LRRTM4: variants seen among roughly 807,000 people sequenced by gnomAD.
LRRTM4 encodes leucine rich repeat transmembrane neuronal 4.
A neutral mutation model predicts 47.6 loss-of-function variants in LRRTM4; 25 were observed. That is an observed-to-expected ratio of 0.53 (90% confidence interval 0.38 to 0.73). LRRTM4 has a LOEUF of 0.73. Among genes scored for constraint, LRRTM4 ranks in the 30% least tolerant of loss-of-function variants. The pLI is 0.00. For synonymous variants in LRRTM4, 311 were observed against 269.5 expected (o/e 1.15, Z -1.51); for missense variants, 638 against 713.4 (o/e 0.89, Z 1.20).
At chr2:77,123,123 T>C (rs1251126896) in intron 3 of LRRTM4, among the ~76,000 whole-genome samples, 2 of 150,524 alleles carry the variant, frequency 1.3e-5, no homozygotes, top group Non-Finnish European at 3.0e-5. Context: ...GAACCAATCA[T>C]GAAAGGAAAT....
chr2:77,189,618 C>A (rs918935565), intron 3 of LRRTM4, among the ~76,000 whole-genome samples: 25 of 146,380 alleles, frequency 1.7e-4, no homozygotes, highest in African/African-American at 5.6e-4. Context: ...TCATCAGAAC[C>A]CAACCATGCC....
Position 77,277,527 on chromosome 2 carries a change from C to A in LRRTM4, c.1551+240791G>T, listed in dbSNP as rs577677519. 1.1e-4 allele frequency among the ~76,000 whole-genome samples: 17 copies of A among 152,092 alleles called. No homozygotes were observed. The South Asian group carries it at 3.5e-3, about 32-fold the overall frequency. ...TATGTATTCTTCAGATTTTCCATTTCTTTTCTCTACCAGCTTTCATCAAGA... is the reference window on the plus strand; with the variant it reads ...TATGTATTCTTCAGATTTTCCATTTATTTTCTCTACCAGCTTTCATCAAGA... On this transcript the variant is annotated intron_variant, in intron 3 of 3. Coordinates refer to ENST00000409884, the MANE Select transcript of LRRTM4 (RefSeq NM_001134745.3).
chr2:77,083,148 T>G (rs1471072395), intron 3 of LRRTM4, among the ~76,000 whole-genome samples: 1 of 152,196 alleles, frequency 6.6e-6, no homozygotes, highest in Middle Eastern at 3.2e-3. Flanking sequence ...AAAATTTCAA[T>G]CCCTTTAATT....
intron 3 of LRRTM4, among the ~76,000 whole-genome samples, chr2:77,373,947 G>A (rs1672739307): frequency 6.6e-6 from 1 of 151,752 alleles, no homozygotes; most frequent in Non-Finnish European, 1.5e-5. Context: ...AAATGAAAAT[G>A]AGCTTGCTAA....
Position 76,777,697 on chromosome 2 carries a change from G to T in LRRTM4, c.1552-28781C>A, listed in dbSNP as rs935348979. 1.0e-4 allele frequency among the ~76,000 whole-genome samples: 15 copies of T among 150,008 alleles called. 1 individual carries two copies. The highest frequency in any genetic ancestry group is 4.6e-4 in the Admixed American group (7 of 15,070). ...GGTTTTCTAGATATACAATCATGTCGTCTGCAAACAGGGACAATTTGACTT... is the reference window on the plus strand; with the variant it reads ...GGTTTTCTAGATATACAATCATGTCTTCTGCAAACAGGGACAATTTGACTT... On this transcript the variant is annotated intron_variant, in intron 3 of 3. Transcript: ENST00000409884.
At position 77,490,759 on chromosome 2, in the gene LRRTM4, C is replaced by A. The variant is rs1278650512; in HGVS notation, c.1551+27559G>T. Among the ~76,000 whole-genome samples the A allele has an allele frequency of 2.6e-5, 4 of 152,184 alleles. No individual in the cohort carries two copies. In the East Asian group the frequency reaches 7.7e-4, roughly 29 times the overall value. ...GTTGCTGCTGATCTAAGAAGTAATT[C>A]TACAAGCTCGATGCTGGACACAATA... is the stretch of plus-strand genomic sequence containing the variant. On this transcript the variant is annotated intron_variant, in intron 3 of 3. Transcript: ENST00000409884.
intron 3 of LRRTM4, among the ~76,000 whole-genome samples, chr2:77,207,844 A>G (rs902351208): frequency 7.1e-6 from 1 of 140,846 alleles, no homozygotes; most frequent in Non-Finnish European, 1.5e-5. Context: ...CTGGTAAATG[A>G]AAGTTGAATA....
At chr2:77,365,283 T>C (rs1327947859) in intron 3 of LRRTM4, among the ~76,000 whole-genome samples, 1 of 152,020 alleles carries the variant, frequency 6.6e-6, no homozygotes, top group Non-Finnish European at 1.5e-5. Flanking sequence ...TTATGTTCCA[T>C]ATATCACAAA....
intron 3 of LRRTM4, among the ~76,000 whole-genome samples, chr2:76,899,311 C>CCACACA (rs34031809): frequency 0.01 from 1,402 of 136,402 alleles, 14 homozygotes; most frequent in East Asian, 0.043. Flanking sequence ...GACTAATAAA[C>CCACACA]CACACACACA....
At chr2:77,503,341 G>A (rs1326485244) in intron 3 of LRRTM4, among the ~76,000 whole-genome samples, 3 of 151,618 alleles carry the variant, frequency 2.0e-5, no homozygotes, top group Admixed American at 6.6e-5. Context: ...GTGAGGATGG[G>A]TTTAAAGATA....
intron 3 of LRRTM4, among the ~76,000 whole-genome samples, chr2:76,865,120 C>T (rs1672429553): frequency 6.6e-6 from 1 of 152,112 alleles, no homozygotes; most frequent in Non-Finnish European, 1.5e-5. Context: ...ACAATAAACA[C>T]TTACGTAACA....
chr2:76,811,987 T>C (rs957918145), intron 3 of LRRTM4, among the ~76,000 whole-genome samples: 4 of 152,232 alleles, frequency 2.6e-5, no homozygotes, highest in Admixed American at 2.6e-4. Context: ...ACTCCCATTA[T>C]ACTAAATATG....
intron 3 of LRRTM4, among the ~76,000 whole-genome samples, chr2:77,141,492 G>A (rs1672121513): frequency 6.6e-6 from 1 of 150,816 alleles, no homozygotes; most frequent in African/African-American, 2.4e-5. Flanking sequence ...GAGGGTGGAG[G>A]GATAGCATTA....
chr2:76,867,456 T>C (rs1367271637), intron 3 of LRRTM4, among the ~76,000 whole-genome samples: 1 of 152,216 alleles, frequency 6.6e-6, no homozygotes, highest in Non-Finnish European at 1.5e-5. Context: ...GGAAATATCT[T>C]TGCTGTTTAT....
chr2:76,831,425 T>C (rs1208225278), intron 3 of LRRTM4, among the ~76,000 whole-genome samples: 1 of 152,144 alleles, frequency 6.6e-6, no homozygotes, highest in Non-Finnish European at 1.5e-5. Flanking sequence ...CACCTGGTAT[T>C]GCTTTGGTTC....
At chr2:77,313,517 C>G (rs569537186) in intron 3 of LRRTM4, among the ~76,000 whole-genome samples, 3 of 151,964 alleles carry the variant, frequency 2.0e-5, no homozygotes, top group East Asian at 3.9e-4. Flanking sequence ...ATGTTCCTCC[C>G]TACGTTTTCC....
chr2:77,238,495 G>A (rs1468318326), intron 3 of LRRTM4, among the ~76,000 whole-genome samples: 1 of 152,002 alleles, frequency 6.6e-6, no homozygotes, highest in East Asian at 1.9e-4. Flanking sequence ...TAGAAAAACA[G>A]AGAACTACCC....
chr2:77,278,607 AG>A (rs1413922802), intron 3 of LRRTM4, among the ~76,000 whole-genome samples: 4 of 152,032 alleles, frequency 2.6e-5, no homozygotes. Flanking sequence ...AAAAATTAAA[AG>A]TAAAAATGTG....
chr2:77,277,020 G>A (rs949327204), intron 3 of LRRTM4, among the ~76,000 whole-genome samples: 3 of 151,516 alleles, frequency 2.0e-5, no homozygotes, highest in Admixed American at 6.6e-5. Flanking sequence ...TTCTGTGCTC[G>A]CCTATGTTCA....
Sources: allele counts gnomAD v4.1 joint callset (sites outside exome capture counted in the v4.1 genomes callset), GRCh38; gene constraint gnomAD v4.1.1; transcripts MANE v1.5; gene names NCBI Gene and HGNC (gene_info 2026-07-23, HGNC 2026-07-21).